Variants in PLXNB1 observed in about 807,000 individuals in gnomAD.
The protein encoded by PLXNB1 is plexin-B1.
In PLXNB1, 106 loss-of-function variants were observed where a neutral mutation model predicts 209.4. The ratio of observed to expected loss-of-function variants is 0.51; its 90% CI spans 0.43 to 0.59. The LOEUF is 0.59. PLXNB1 is among the 20% of genes least tolerant of loss of function. The probability of loss-of-function intolerance (pLI) is 0.00; values close to 1 mark genes in which losing one functional copy is unlikely to be tolerated. For missense variants in PLXNB1, 2,357 were observed against 2,853.2 expected (o/e 0.83, Z 3.96); for synonymous variants, 1,167 against 1,183.2 (o/e 0.99, Z 0.28).
At chr3:48,421,931 G>A (rs995736822) in intron 6 of PLXNB1, 125 bp from the exon 7 acceptor site, 2 of 1,433,722 alleles carry the variant, frequency 1.4e-6, no homozygotes, top group African/African-American at 2.8e-5. Context: ...AGGCTCCTGT[G>A]TCTGCCCTGG....
In PLXNB1 at chr3:48,419,453, G is replaced by A. The variant is rs1330012846; in HGVS notation, c.2710-87C>T. Reference sequence around the variant, plus strand: ...TTGCCAGATTCCAGAGGCAAGGCCGGTGTGGGGCTGCAGACTCCACCCTGC... The same window carrying A: ...TTGCCAGATTCCAGAGGCAAGGCCGATGTGGGGCTGCAGACTCCACCCTGC... On this transcript the variant is annotated intron_variant, in intron 11 of 37. Transcript: ENST00000296440. This position sits in a 1 kb window ranked among gnomAD's most constrained non-coding sequence, Gnocchi z 5.7. 1 of 1,504,640 alleles carries A rather than the reference G, an allele frequency of 6.6e-7. No individual in the cohort carries two copies. Among genetic ancestry groups the A allele is most frequent in the African/African-American group, 1.4e-5 (1 of 72,226 alleles). The allele number at this position is 1,504,640 out of a possible 1,614,324, so 93.2% of individuals were successfully genotyped here.
rs2037812654 is a variant in PLXNB1 at position 48,413,136 on chromosome 3, C to T, written c.4569G>A (p.Lys1523=). ...GATTCTCCAGCTGGATCTGAACCTT[C>T]TTATAGTCCCTCAGGGCCTGCTTGC... ...RKSKQALRDY[K]KVQIQLENLE... is the part of the protein sequence containing the mutation. The change falls in exon 24 of 38, where the codon AAG becomes AAA. Residue 1523 remains lysine (K), a synonymous_variant. Transcript: ENST00000296440. This position sits in a 1 kb window ranked among gnomAD's most constrained non-coding sequence, Gnocchi z 5.4. 11 of 1,613,428 alleles carry T rather than the reference C, an allele frequency of 6.8e-6. No homozygotes were observed. Among genetic ancestry groups the T allele is most frequent in the Non-Finnish European group, 9.3e-6 (11 of 1,179,994 alleles).
rs1057154558 is a variant in PLXNB1 at position 48,417,828 on chromosome 3, G to A, written c.3374+83C>T. On this transcript the variant is annotated intron_variant, in intron 16 of 37. Coordinates refer to ENST00000296440, the MANE Select transcript of PLXNB1 (RefSeq NM_001130082.3). This position sits in a 1 kb window ranked among gnomAD's most constrained non-coding sequence, Gnocchi z 4.4. ...CAGGGAGAGAGGGGGGCAGATGAGCGGTGGGTGGGAGGCCCCAAGCAGCAA... is the reference window on the plus strand; with the variant it reads ...CAGGGAGAGAGGGGGGCAGATGAGCAGTGGGTGGGAGGCCCCAAGCAGCAA... 45 of 1,391,390 alleles carry A rather than the reference G, an allele frequency of 3.2e-5. No homozygotes were observed. Among genetic ancestry groups the A allele is most frequent in the Admixed American group, 1.6e-4 (8 of 50,282 alleles). The allele number at this position is 1,391,390 out of a possible 1,614,324, so 86.2% of individuals were successfully genotyped here.
At chr3:48,412,689 C>G (rs770199887) in intron 25 of PLXNB1, 53 bp downstream of exon 25, 18 of 1,605,984 alleles carry the variant, frequency 1.1e-5, no homozygotes, top group Non-Finnish European at 1.4e-5. Flanking sequence ...GAAACCATGC[C>G]CTGGAGAAGG....
In PLXNB1 at chr3:48,419,344, C is replaced by A; in HGVS notation, c.2732G>T (p.Ser911Ile). 1 of 1,574,894 alleles carries A rather than the reference C, an allele frequency of 6.3e-7. No homozygotes were observed. Among genetic ancestry groups the A allele is most frequent in the Non-Finnish European group, 8.6e-7 (1 of 1,157,178 alleles). Residue 911 changes from serine (S) to isoleucine (I), a missense_variant, in exon 12 of 38, where the codon AGC becomes ATC. This residue lies in a region of PLXNB1 where 410 missense variants were observed against 401.0 expected (regional missense o/e 1.02). Coordinates refer to ENST00000296440, the MANE Select transcript of PLXNB1 (RefSeq NM_001130082.3). This position sits in a 1 kb window ranked among gnomAD's most constrained non-coding sequence, Gnocchi z 5.7. ...AACGCTCTCCACACAGGGGCAGGAG[C>A]TTGCCCCCAAGGTCGCCTCTTCCTG... ...WELEEATLGA[S>I]SCPCVESVQG...
chr3:48,407,330 G>A (rs545941628), intron 34 of PLXNB1, among the ~76,000 whole-genome samples: 55 of 152,166 alleles, frequency 3.6e-4, no homozygotes, highest in Middle Eastern at 3.4e-3. Context: ...TGATGTCATC[G>A]GAAATCATTT....
In PLXNB1 at chr3:48,414,912, T is replaced by C; in HGVS notation, c.4096A>G (p.Thr1366Ala). The change falls in exon 21 of 38, where the codon ACA becomes GCA. Residue 1366 changes from threonine (T) to alanine (A), a missense_variant. Thr to Ala is a moderately conservative substitution (Grantham distance 58, BLOSUM62 0). Around this residue, in one of 7 missense-constraint regions of PLXNB1, gnomAD observed 743 missense variants for 896.2 expected, o/e 0.83. Coordinates refer to ENST00000296440, the MANE Select transcript of PLXNB1 (RefSeq NM_001130082.3). Reference sequence around the variant, plus strand: ...TAGGAGAAAGGTGTGGGGTTCAGTGTTGCAAAGTCAAAGACCAGGTTGTCA... The same window carrying C: ...TAGGAGAAAGGTGTGGGGTTCAGTGCTGCAAAGTCAAAGACCAGGTTGTCA... The part of the protein sequence containing the change: ...ILDNLVFDFA[T>A]LNPTPFSYEA... 1 of 1,613,932 alleles carries C rather than the reference T, an allele frequency of 6.2e-7. No individual in the cohort carries two copies. Among genetic ancestry groups the C allele is most frequent in the Non-Finnish European group, 8.5e-7 (1 of 1,180,032 alleles).
chr3:48,424,181 G>A lies in PLXNB1; in HGVS notation c.431C>T (p.Ala144Val). 6.3e-7 allele frequency: 1 copy of A among 1,585,390 alleles called. No homozygotes were observed. The highest frequency in any genetic ancestry group is 1.1e-5 in the South Asian group (1 of 87,762). The stretch of plus-strand genomic sequence containing the variant: ...CGTGCTGACCGCAGGATCATTGGCA[G>A]CCACATATTGTGTGTCCCCAGGCCG... The part of the protein sequence containing the change: ...PERPGDTQYV[A>V]ANDPAVSTVG... Residue 144 changes from alanine to valine, a missense_variant, in exon 3 of 38, where the codon GCT becomes GTT. Physicochemically the swap from Ala to Val is moderately conservative, Grantham distance 64. This residue lies in a region of PLXNB1 where 404 missense variants were observed against 443.6 expected (regional missense o/e 0.91). Coordinates refer to ENST00000296440, the MANE Select transcript of PLXNB1 (RefSeq NM_001130082.3).
Position 48,410,063 on chromosome 3 carries a change from C to G in PLXNB1, c.5620G>C (p.Glu1874Gln). Residue 1874 changes from glutamate to glutamine, a missense_variant, in exon 32 of 38, where the codon GAG becomes CAG. Coordinates refer to ENST00000296440, the MANE Select transcript of PLXNB1 (RefSeq NM_001130082.3). This position sits in a 1 kb window ranked among gnomAD's most constrained non-coding sequence, Gnocchi z 6.4. ...CGGATGCCCCCCTCATCTACATCCT[C>G]CAGCATTGGGGTCCCTGTGCCAAGA... is the stretch of plus-strand genomic sequence containing the variant. ...YVPGERTPML[E>Q]DVDEGGIRPW... is the part of the protein sequence containing the mutation. 1.9e-6 allele frequency: 3 copies of G among 1,595,050 alleles called. No homozygotes were observed. Among genetic ancestry groups the G allele is most frequent in the Non-Finnish European group, 2.6e-6 (3 of 1,168,728 alleles).
chr3:48,406,410 T>C lies in PLXNB1; in HGVS notation c.6228+413A>G, dbSNP rs2037318073. Among the ~76,000 whole-genome samples, 1 of 152,242 alleles carries C rather than the reference T, an allele frequency of 6.6e-6. No homozygotes were observed. The highest frequency in any genetic ancestry group is 2.1e-4 in the South Asian group (1 of 4,832). On this transcript the variant is annotated intron_variant, in intron 36 of 37. Coordinates refer to ENST00000296440, the MANE Select transcript of PLXNB1 (RefSeq NM_001130082.3). The surrounding 1 kb of genome is among the most constrained non-coding windows in gnomAD (Gnocchi z 4.4). ...AGTGTTGTGGTTGTCATCATCAACA[T>C]TTCAGAAACATTGTTCATAAACTCC...
At position 48,406,814 on chromosome 3, in the gene PLXNB1, A is replaced by G; in HGVS notation, c.6228+9T>C. 6.3e-7 allele frequency: 1 copy of G among 1,599,224 alleles called. No homozygotes were observed. The highest frequency in any genetic ancestry group is 1.1e-5 in the South Asian group (1 of 88,950). On this transcript the variant is annotated intron_variant, in intron 36 of 37. Coordinates refer to ENST00000296440, the MANE Select transcript of PLXNB1 (RefSeq NM_001130082.3). The surrounding 1 kb of genome is among the most constrained non-coding windows in gnomAD (Gnocchi z 4.4). The stretch of plus-strand genomic sequence containing the variant: ...TATGCCCAACCCAAGAAGCAGAGGG[A>G]GGCCTTACCCAGGACAGTTCAGCCA...
intron 21 of PLXNB1, 113 bp downstream of exon 21, chr3:48,414,686 T>C: frequency 7.8e-7 from 1 of 1,281,502 alleles, no homozygotes; most frequent in Non-Finnish European, 1.1e-6. Context: ...TGAGGAGCCA[T>C]GTCCATCCAC....
chr3:48,414,155 C>T (rs1279711795), intron 21 of PLXNB1, 84 bp from the exon 22 acceptor site: 6 of 1,356,376 alleles, frequency 4.4e-6, no homozygotes, highest in South Asian at 1.2e-5. Flanking sequence ...ACCCTGAGAC[C>T]CAGCCGCAGC....
At chr3:48,404,747 G>A (rs537713278) in intron 37 of PLXNB1, among the ~76,000 whole-genome samples, 157 bp from the exon 38 acceptor site, 9 of 152,272 alleles carry the variant, frequency 5.9e-5, no homozygotes, top group South Asian at 4.2e-4. Flanking sequence ...TCAGGGCCTC[G>A]CTGGCGGGAG....
rs2038015976 is a variant in PLXNB1 at position 48,415,393 on chromosome 3, C to T, written c.3795-46G>A. 6.3e-7 allele frequency: 1 copy of T among 1,587,490 alleles called. No individual in the cohort carries two copies. The highest frequency in any genetic ancestry group is 8.6e-7 in the Non-Finnish European group (1 of 1,162,316). On this transcript the variant is annotated intron_variant, in intron 19 of 37. Coordinates refer to ENST00000296440, the MANE Select transcript of PLXNB1 (RefSeq NM_001130082.3). This position sits in a 1 kb window ranked among gnomAD's most constrained non-coding sequence, Gnocchi z 5.0. Reference sequence around the variant, plus strand: ...ACGTAACGTAAGATGGCTTATGTTACCTGGACCTAAAGCACAGCCCAGTCC... The same window carrying T: ...ACGTAACGTAAGATGGCTTATGTTATCTGGACCTAAAGCACAGCCCAGTCC...
At position 48,421,808 on chromosome 3, in the gene PLXNB1, T is replaced by C; in HGVS notation, c.1521-2A>G. On this transcript the variant is annotated splice_acceptor_variant, in intron 6 of 37. Coordinates refer to ENST00000296440, the MANE Select transcript of PLXNB1 (RefSeq NM_001130082.3). LOFTEE classifies it high-confidence loss of function. ...GAGCACTCAGAACGGCGACTGCACC[T>C]GGGCGAGATGACCAGTGTCTATCTG... 1 of 1,595,210 alleles carries C rather than the reference T, an allele frequency of 6.3e-7. No homozygotes were observed. The highest frequency in any genetic ancestry group is 8.6e-7 in the Non-Finnish European group (1 of 1,165,600).
Position 48,409,860 on chromosome 3 carries a change from C to T in PLXNB1, c.5778+45G>A. 6.3e-7 allele frequency: 1 copy of T among 1,585,958 alleles called. No individual in the cohort carries two copies. Among genetic ancestry groups the T allele is most frequent in the Non-Finnish European group, 8.6e-7 (1 of 1,163,126 alleles). ...CCCCCAAATCCCACGAGTGGCCATG[C>T]TCCCTCTCAGCCCAGGCCCCACTAC... is the stretch of plus-strand genomic sequence containing the variant. On this transcript the variant is annotated intron_variant, in intron 32 of 37. Coordinates refer to ENST00000296440, the MANE Select transcript of PLXNB1 (RefSeq NM_001130082.3). This position sits in a 1 kb window ranked among gnomAD's most constrained non-coding sequence, Gnocchi z 5.8.
Position 48,413,379 on chromosome 3 carries a change from C to T in PLXNB1, c.4536-210G>A. 2 of 607,382 alleles carry T rather than the reference C, an allele frequency of 3.3e-6. No homozygotes were observed. The highest frequency in any genetic ancestry group is 3.0e-5 in the Admixed American group (1 of 33,814). 37.6% of individuals were successfully genotyped at this position (607,382 alleles called of 1,614,324 possible). ...CCCCGTCTAGCCCAGCACAGTTTAG[C>T]CTAGAGATCAGCCAACCACAACCAG... is the stretch of plus-strand genomic sequence containing the variant. On this transcript the variant is annotated intron_variant, in intron 23 of 37. Transcript: ENST00000296440. This position sits in a 1 kb window ranked among gnomAD's most constrained non-coding sequence, Gnocchi z 5.4.
rs1560046519 is a variant in PLXNB1, at chr3:48,409,557, C to T, written c.5939+14G>A. 1.9e-6 allele frequency: 3 copies of T among 1,613,636 alleles called. No individual in the cohort carries two copies. The highest frequency in any genetic ancestry group is 4.5e-5 in the East Asian group (2 of 44,870). On this transcript the variant is annotated intron_variant, in intron 33 of 37. Transcript: ENST00000296440. The surrounding 1 kb of genome is among the most constrained non-coding windows in gnomAD (Gnocchi z 5.8). ...CCCCCACACACACCTAGAGCCCACCCAGCTCCACCCCACCTGTTGGTCTTC... is the reference window on the plus strand; with the variant it reads ...CCCCCACACACACCTAGAGCCCACCTAGCTCCACCCCACCTGTTGGTCTTC...
Sources: allele counts gnomAD v4.1 joint callset (sites outside exome capture counted in the v4.1 genomes callset), GRCh38; gene constraint gnomAD v4.1.1; regional missense constraint gnomAD v4.1.1; non-coding constraint Gnocchi (gnomAD v3.1); transcripts MANE v1.5; gene names NCBI Gene and HGNC (gene_info 2026-07-23, HGNC 2026-07-21).